The following FOXP1 variants were observed in gnomAD, a reference collection of about 807,000 sequenced individuals.
FOXP1 encodes the protein forkhead box protein P1.
In FOXP1, 15 loss-of-function variants were observed where a neutral mutation model predicts 98.2. The ratio of observed to expected loss-of-function variants is 0.15; its 90% CI spans 0.10 to 0.24. The LOEUF (loss-of-function observed/expected upper bound fraction) is 0.24. FOXP1 is among the 10% of genes least tolerant of loss of function. FOXP1 has a pLI of 1.00. For missense variants in FOXP1, 633 were observed against 848.5 expected (o/e 0.75, Z 3.15); for synonymous variants, 371 against 314.5 (o/e 1.18, Z -1.90).
chr3:71,558,007 G>A (rs964469690), intron 2 of FOXP1, among the ~76,000 whole-genome samples: 1 of 152,082 alleles, frequency 6.6e-6, no homozygotes, highest in Non-Finnish European at 1.5e-5. Context: ...AGTAGAGACG[G>A]GGTTTCACTA....
In FOXP1 at chr3:71,434,879, T is replaced by C. The variant is rs569027853; in HGVS notation, c.-168+58547A>G. Among the ~76,000 whole-genome samples, 24 of 152,164 alleles carry C rather than the reference T, an allele frequency of 1.6e-4. No individual in the cohort carries two copies. In the South Asian group the frequency reaches 1.9e-3, roughly 12 times the overall value. On this transcript the variant is annotated intron_variant, in intron 3 of 20. Coordinates refer to ENST00000649528, the MANE Select transcript of FOXP1 (RefSeq NM_001349338.3). ...ACAAATAGAGAGACTCAGAGATTTTTCAGCTTCACCAAGGAGTCCTGACCG... is the reference window on the plus strand; with the variant it reads ...ACAAATAGAGAGACTCAGAGATTTTCCAGCTTCACCAAGGAGTCCTGACCG...
At chr3:71,544,936 A>G (rs752279267) in intron 2 of FOXP1, among the ~76,000 whole-genome samples, 8 of 152,128 alleles carry the variant, frequency 5.3e-5, no homozygotes, top group Non-Finnish European at 8.8e-5. Flanking sequence ...TCAATTCTGT[A>G]TCTAGAGACA....
chr3:71,420,005 C>T (rs562519537), intron 3 of FOXP1, among the ~76,000 whole-genome samples: 28 of 151,810 alleles, frequency 1.8e-4, no homozygotes, highest in Non-Finnish European at 2.8e-4. Flanking sequence ...TTAGTAGAGA[C>T]GGGGTTTCAC....
At chr3:71,401,964 CT>C (rs1309268990) in intron 3 of FOXP1, among the ~76,000 whole-genome samples, 2 of 152,188 alleles carry the variant, frequency 1.3e-5, no homozygotes, top group African/African-American at 2.4e-5. Flanking sequence ...ATCCCCACCC[CT>C]ATCCTACTCC....
At chr3:71,395,869 TG>T (rs34040904) in intron 3 of FOXP1, among the ~76,000 whole-genome samples, 1 of 151,970 alleles carries the variant, frequency 6.6e-6, no homozygotes, top group Non-Finnish European at 1.5e-5. Context: ...CTGTAATTAA[TG>T]GGGGGGTTGG....
At chr3:71,562,704 T>A (rs2046631059) in intron 2 of FOXP1, among the ~76,000 whole-genome samples, 1 of 152,170 alleles carries the variant, frequency 6.6e-6, no homozygotes, top group South Asian at 2.1e-4. Context: ...ACCCAAATAC[T>A]AAGGGACCAC....
intron 5 of FOXP1, among the ~76,000 whole-genome samples, chr3:71,285,361 TGTC>T (rs2072003795): frequency 6.6e-6 from 1 of 152,178 alleles, no homozygotes; most frequent in Non-Finnish European, 1.5e-5. Context: ...GCACAGTAGT[TGTC>T]AACCAGCAGG....
chr3:71,437,539 A>G (rs145866349), intron 3 of FOXP1, among the ~76,000 whole-genome samples: 12 of 152,304 alleles, frequency 7.9e-5, no homozygotes, highest in African/African-American at 2.9e-4. Context: ...GATGCACTGG[A>G]CTGGGGCAGA....
chr3:71,184,767 T>TG (rs1560080726), intron 6 of FOXP1, among the ~76,000 whole-genome samples: 9 of 150,862 alleles, frequency 6.0e-5, no homozygotes, highest in South Asian at 4.2e-4. Context: ...GTTTTTTTTT[T>TG]TGGGGGGGGC....
At chr3:71,254,511 A>G (rs2068471846) in intron 5 of FOXP1, among the ~76,000 whole-genome samples, 1 of 152,232 alleles carries the variant, frequency 6.6e-6, no homozygotes, top group South Asian at 2.1e-4. Context: ...ACTGTTACAT[A>G]TTAATGTTCA....
intron 5 of FOXP1, among the ~76,000 whole-genome samples, chr3:71,259,907 C>T (rs1049017257): frequency 6.6e-6 from 1 of 152,114 alleles, no homozygotes; most frequent in East Asian, 1.9e-4. Context: ...CTGCTGGAGG[C>T]TCAGCGTGGT....
chr3:71,366,894 A>C (rs2078965603), intron 3 of FOXP1, among the ~76,000 whole-genome samples: 1 of 152,246 alleles, frequency 6.6e-6, no homozygotes, highest in African/African-American at 2.4e-5. Context: ...CTTTACAAGA[A>C]ATTAAATAAT....
chr3:71,533,603 A>T (rs1433881949), intron 2 of FOXP1, among the ~76,000 whole-genome samples: 1 of 152,130 alleles, frequency 6.6e-6, no homozygotes, highest in African/African-American at 2.4e-5. Context: ...TGGCGTCCCC[A>T]ACCCCATTAT....
rs1174002128 is a variant in FOXP1 at position 70,955,886 on chromosome 3, G to A, written c.*3361C>T. 8.7e-6 allele frequency: 2 copies of A among 231,042 alleles called. No homozygotes were observed. The highest frequency in any genetic ancestry group is 4.5e-5 in the African/African-American group (2 of 44,438). 14.3% of individuals were successfully genotyped at this position (231,042 alleles called of 1,614,324 possible). Reference sequence around the variant, plus strand: ...CTGTACAAAATGCTCCAATCAATGAGAACAGAAAAAAGAAATCTTCAACTA... The same window carrying A: ...CTGTACAAAATGCTCCAATCAATGAAAACAGAAAAAAGAAATCTTCAACTA... On this transcript the variant is annotated 3_prime_UTR_variant, in exon 21 of 21. Coordinates refer to ENST00000649528, the MANE Select transcript of FOXP1 (RefSeq NM_001349338.3).
At position 71,174,826 on chromosome 3, in the gene FOXP1, A is replaced by C. The variant is rs11706640; in HGVS notation, c.180+23376T>G. Among the ~76,000 whole-genome samples the C allele has an allele frequency of 8.8e-3, 1,290 of 147,326 alleles. 15 individuals carry two copies. The highest frequency in any genetic ancestry group is 0.022 in the African/African-American group (872 of 39,214). On this transcript the variant is annotated intron_variant, in intron 6 of 20. Transcript: ENST00000649528. ...CACACACACACACACACACACACACACCCCAATATACCCCAGGGTAGGAAG... is the reference window on the plus strand; with the variant it reads ...CACACACACACACACACACACACACCCCCCAATATACCCCAGGGTAGGAAG...
Position 71,404,138 on chromosome 3 carries a change from T to C in FOXP1, c.-167-44894A>G, listed in dbSNP as rs1000472177. Among the ~76,000 whole-genome samples the C allele has an allele frequency of 1.3e-3, 179 of 137,040 alleles. 1 individual carries two copies. Among genetic ancestry groups the C allele is most frequent in the Middle Eastern group, 0.011 (3 of 284 alleles). 89.9% of individuals were successfully genotyped at this position (137,040 alleles called of 152,430 possible). ...TCTTTTTCTTTTTTTTTTTTTTTTT[T>C]TTTTTTGAGATGGAGTTTCGCTCTT... On this transcript the variant is annotated intron_variant, in intron 3 of 20. Transcript: ENST00000649528.
At chr3:71,237,400 A>G (rs1259867779) in intron 5 of FOXP1, among the ~76,000 whole-genome samples, 1 of 152,054 alleles carries the variant, frequency 6.6e-6, no homozygotes, top group Non-Finnish European at 1.5e-5. Flanking sequence ...TTTTATACAT[A>G]TGGCCTATCT....
At position 71,222,138 on chromosome 3, in the gene FOXP1, C is replaced by T. The variant is rs570015102; in HGVS notation, c.-11-23746G>A. Among the ~76,000 whole-genome samples, 16 of 152,044 alleles carry T rather than the reference C, an allele frequency of 1.1e-4. No homozygotes were observed. The South Asian group carries it at 3.3e-3, about 32-fold the overall frequency. On this transcript the variant is annotated intron_variant, in intron 5 of 20. Transcript: ENST00000649528. ...ACTGCACTCCAGCCTGGTGCCAGAG[C>T]GAGATTCCGTATCAAAAAAACAAAC...
chr3:71,044,693 A>C (rs1272210186), intron 10 of FOXP1, among the ~76,000 whole-genome samples: 1 of 152,220 alleles, frequency 6.6e-6, no homozygotes, highest in Non-Finnish European at 1.5e-5. Flanking sequence ...CAAGTCTTGC[A>C]ACATTTCTTT....
Sources: gnomAD v4.1 joint callset for allele counts (sites outside exome capture counted in the v4.1 genomes callset) on GRCh38, gnomAD v4.1.1 for gene constraint, MANE v1.5 for transcripts, NCBI Gene and HGNC (gene_info 2026-07-23, HGNC 2026-07-21) for gene names.